The following SNED1 variants were observed in gnomAD, a reference collection of about 807,000 sequenced individuals.
SNED1 encodes sushi, nidogen and EGF-like domain-containing protein 1.
Under a neutral mutation model 166.7 loss-of-function variants are expected in SNED1, and 81 were observed. The ratio of observed to expected loss-of-function variants is 0.49; its 90% CI spans 0.41 to 0.58. The LOEUF is 0.58. Among genes scored for constraint, SNED1 ranks in the 20% least tolerant of loss-of-function variants. The pLI is 0.00. For synonymous variants in SNED1, 762 were observed against 822.0 expected, an observed-to-expected ratio of 0.93 and a Z score of 1.25; for missense variants, 1,604 against 2,000.2, an observed-to-expected ratio of 0.80 and a Z score of 3.78.
intron 15 of SNED1, among the ~76,000 whole-genome samples, 186 bp from the exon 16 acceptor site, chr2:241,052,967 A>G (rs1290134758): frequency 6.6e-6 from 1 of 152,138 alleles, no homozygotes; most frequent in African/African-American, 2.4e-5. Context: ...TGGGCAAGGC[A>G]GGAATGGGAA....
At chr2:241,041,771 C>T (rs1236574471) in intron 8 of SNED1, among the ~76,000 whole-genome samples, 4 of 152,112 alleles carry the variant, frequency 2.6e-5, no homozygotes, top group African/African-American at 9.7e-5. Flanking sequence ...TATTACAAGG[C>T]GCAGATGCTG....
chr2:241,063,294 G>T, intron 17 of SNED1: 1 of 508,864 alleles, frequency 2.0e-6, no homozygotes, highest in Non-Finnish European at 3.6e-6. Flanking sequence ...CTCCAGGGAG[G>T]GCAAGGCCCA....
At position 241,067,864 on chromosome 2, in the gene SNED1, G is replaced by A. The variant is rs1304350931; in HGVS notation, c.3111G>A (p.Gly1037=). Reference sequence around the variant, plus strand: ...GGATCCGCCATGCCACCGTCAGTGGGGTCCGTGTGTCCATCCGCCACCCTG... The same window carrying A: ...GGATCCGCCATGCCACCGTCAGTGGAGTCCGTGTGTCCATCCGCCACCCTG... ...LHRIRHATVS[G]VRVSIRHPEA... is the part of the protein sequence containing the mutation. The change falls in exon 22 of 32, where the codon GGG becomes GGA. Residue 1037 remains glycine (G), a synonymous_variant. Coordinates refer to ENST00000310397, the MANE Select transcript of SNED1 (RefSeq NM_001080437.3). The A allele has an allele frequency of 1.2e-6, 2 of 1,613,402 alleles. No homozygotes were observed. The highest frequency in any genetic ancestry group is 1.7e-5 in the Admixed American group (1 of 60,002).
chr2:241,074,215 G>A (rs1013813499), intron 27 of SNED1: 1 of 152,094 alleles, frequency 6.6e-6, no homozygotes, highest in African/African-American at 2.4e-5. Context: ...TCAAGGACAT[G>A]TGTACACATC....
chr2:241,055,188 CAAG>C (rs2062007591), intron 16 of SNED1, among the ~76,000 whole-genome samples: 1 of 151,648 alleles, frequency 6.6e-6, no homozygotes, highest in Non-Finnish European at 1.5e-5. Flanking sequence ...AATCGGAGCC[CAAG>C]AAGAAGAGAA....
At chr2:241,039,620 C>T (rs914367936) in intron 6 of SNED1, among the ~76,000 whole-genome samples, 3 of 152,108 alleles carry the variant, frequency 2.0e-5, no homozygotes, top group African/African-American at 7.2e-5. Flanking sequence ...CGTTCCTGCA[C>T]AGGCCACTGC....
At chr2:241,054,530 T>TG (rs2061985229) in intron 16 of SNED1, among the ~76,000 whole-genome samples, 1 of 151,914 alleles carries the variant, frequency 6.6e-6, no homozygotes, top group Non-Finnish European at 1.5e-5. Context: ...AGCCTGCCAC[T>TG]GTACTCCAGC....
chr2:241,032,825 C>A (rs1305913609), intron 2 of SNED1, among the ~76,000 whole-genome samples: 1 of 151,834 alleles, frequency 6.6e-6, no homozygotes, highest in East Asian at 1.9e-4. Flanking sequence ...CTCTTCATAC[C>A]CTCTGACATT....
At chr2:241,016,475 C>T (rs1246806917) in intron 1 of SNED1, among the ~76,000 whole-genome samples, 3 of 150,108 alleles carry the variant, frequency 2.0e-5, no homozygotes, top group Non-Finnish European at 2.9e-5. Context: ...GGATTACAGG[C>T]GTGAGCCACC....
intron 17 of SNED1, 69 bp downstream of exon 17, chr2:241,062,973 T>A: frequency 9.8e-7 from 1 of 1,015,866 alleles, no homozygotes; most frequent in Non-Finnish European, 1.4e-6. Context: ...AGGCACTGGG[T>A]CCCCCGGACA....
chr2:241,058,799 A>T (rs1414288813), intron 16 of SNED1, among the ~76,000 whole-genome samples: 1 of 152,096 alleles, frequency 6.6e-6, no homozygotes, highest in Non-Finnish European at 1.5e-5. Flanking sequence ...AAATACAAAA[A>T]ATTAGCTGGG....
intron 1 of SNED1, among the ~76,000 whole-genome samples, chr2:241,027,627 C>A (rs187905774): frequency 1.3e-5 from 2 of 152,176 alleles, no homozygotes; most frequent in East Asian, 1.9e-4. Context: ...TTTTGAGGAA[C>A]CACCATATTG....
At chr2:241,003,076 T>C (rs2060122195) in intron 1 of SNED1, among the ~76,000 whole-genome samples, 1 of 151,956 alleles carries the variant, frequency 6.6e-6, no homozygotes, top group African/African-American at 2.4e-5. Flanking sequence ...ATCCTGTCTC[T>C]CCTCGCCAGA....
intron 1 of SNED1, among the ~76,000 whole-genome samples, chr2:241,004,402 A>G (rs142057004): frequency 2.6e-5 from 4 of 152,308 alleles, no homozygotes; most frequent in African/African-American, 9.6e-5. Flanking sequence ...GTAATTATCA[A>G]TATGGTTGAA....
In SNED1 at chr2:240,999,986, C is replaced by T. The variant is rs1264764855; in HGVS notation, c.213+936C>T. The stretch of plus-strand genomic sequence containing the variant: ...CCTCCACCATCAGCCCTCTCATACC[C>T]TCGCCCACCTCCAGCCTCAACCCAC... On this transcript the variant is annotated intron_variant, in intron 1 of 31. Coordinates refer to ENST00000310397, the MANE Select transcript of SNED1 (RefSeq NM_001080437.3). The surrounding 1 kb of genome is among the most constrained non-coding windows in gnomAD (Gnocchi z 5.8). 6.6e-6 allele frequency among the ~76,000 whole-genome samples: 1 copy of T among 152,142 alleles called. No individual in the cohort carries two copies. The highest frequency in any genetic ancestry group is 1.5e-5 in the Non-Finnish European group (1 of 68,016).
At chr2:241,024,658 T>TTATTTTATTTTA (rs2060895532) in intron 1 of SNED1, among the ~76,000 whole-genome samples, 1 of 148,052 alleles carries the variant, frequency 6.8e-6, no homozygotes, top group African/African-American at 2.5e-5. Flanking sequence ...TTATCTTATT[T>TTATTTTATTTTA]TATTTTATTT....
intron 9 of SNED1, 111 bp downstream of exon 9, chr2:241,048,551 C>T: frequency 8.1e-6 from 12 of 1,489,202 alleles, no homozygotes; most frequent in Non-Finnish European, 1.1e-5. Context: ...TGTGAGTGCG[C>T]GTCCACTGCA....
chr2:241,030,621 AGGGTCTCCCCG>A, intron 2 of SNED1, 50 bp downstream of exon 2: 4 of 1,577,830 alleles, frequency 2.5e-6, no homozygotes, highest in Non-Finnish European at 3.5e-6. Context: ...GCTAGGGCCC[AGGGTCTCCCCG>A]CACCAGGGCT....
At chr2:241,052,309 C>A in intron 14 of SNED1, 46 bp from the exon 15 acceptor site, 3 of 1,514,770 alleles carry the variant, frequency 2.0e-6, no homozygotes, top group Non-Finnish European at 2.7e-6. Context: ...CAGTCCCGAG[C>A]CTTCAGGGAA....
Sources: gnomAD v4.1 joint callset for allele counts (sites outside exome capture counted in the v4.1 genomes callset) on GRCh38, gnomAD v4.1.1 for gene constraint, Gnocchi (gnomAD v3.1) non-coding constraint, MANE v1.5 for transcripts, NCBI Gene and HGNC (gene_info 2026-07-23, HGNC 2026-07-21) for gene names.